Variants in VRK3 observed in about 807,000 individuals in gnomAD.
VRK3 encodes the protein serine/threonine-protein kinase VRK3.
In VRK3, 50 loss-of-function variants were observed where a neutral mutation model predicts 60.4. That is an observed-to-expected ratio of 0.83 (90% CI 0.66 to 1.05). VRK3 has a LOEUF of 1.05. VRK3 is among the 50% of genes least tolerant of loss of function. The pLI is 0.00. For synonymous variants in VRK3, 246 were observed against 227.8 expected, an observed-to-expected ratio of 1.08 and a Z score of -0.72; for missense variants, 549 against 585.3, an observed-to-expected ratio of 0.94 and a Z score of 0.64.
rs1381855921 is a variant in VRK3, at chr19:49,976,695, G to A, written c.*101C>T. 6.6e-6 allele frequency: 1 copy of A among 152,494 alleles called. No homozygotes were observed. The highest frequency in any genetic ancestry group is 1.5e-5 in the Non-Finnish European group (1 of 68,030). 9.4% of individuals were successfully genotyped at this position (152,494 alleles called of 1,614,324 possible). On this transcript the variant is annotated 3_prime_UTR_variant, in exon 15 of 15. Transcript: ENST00000316763. ...GGCAGGAATGCACATTCCAGGGCTTGTTCTAGAAGCTTATCTGTGATTAAA... is the reference window on the plus strand; with the variant it reads ...GGCAGGAATGCACATTCCAGGGCTTATTCTAGAAGCTTATCTGTGATTAAA...
intron 2 of VRK3, 30 bp from the exon 3 acceptor site, chr19:50,016,193 G>C (rs2077074738): frequency 6.2e-7 from 1 of 1,612,096 alleles, no homozygotes; most frequent in East Asian, 2.2e-5. Flanking sequence ...AACACAAAGT[G>C]AAACGGGCCA....
intron 12 of VRK3, among the ~76,000 whole-genome samples, chr19:49,982,917 C>T (rs2076448113): frequency 6.6e-6 from 1 of 152,064 alleles, no homozygotes; most frequent in Non-Finnish European, 1.5e-5. Context: ...CCTGCCCAGT[C>T]ACTGGTCTCT....
In VRK3 at chr19:49,982,221, A is replaced by G. The variant is rs73932226; in HGVS notation, c.1218-1208T>C. 11,995 of 702,782 alleles carry G rather than the reference A, an allele frequency of 0.017. 1,005 individuals carry two copies. The African/African-American group carries it at 0.18, about 11-fold the overall frequency. 43.5% of individuals were successfully genotyped at this position (702,782 alleles called of 1,614,324 possible). On this transcript the variant is annotated intron_variant, in intron 12 of 14. Transcript: ENST00000316763. ...GATAAGAATTCCCCACAGACTCATGACCAACAGCACCGTAGCTCATGCCTG... is the reference window on the plus strand; with the variant it reads ...GATAAGAATTCCCCACAGACTCATGGCCAACAGCACCGTAGCTCATGCCTG...
chr19:50,010,490 T>C (rs188780659), intron 3 of VRK3, among the ~76,000 whole-genome samples: 1 of 152,370 alleles, frequency 6.6e-6, no homozygotes, highest in African/African-American at 2.4e-5. Context: ...GATTTGTTTA[T>C]ATCAGGCAGG....
chr19:49,990,233 T>C (rs980597647), intron 10 of VRK3, among the ~76,000 whole-genome samples: 1 of 152,202 alleles, frequency 6.6e-6, no homozygotes, highest in Non-Finnish European at 1.5e-5. Context: ...GGGCAAGCTA[T>C]ACCAGTTCTC....
In VRK3 at chr19:50,025,337, C is replaced by T. The variant is rs10410420; in HGVS notation, c.-135G>A. 8,000 of 152,388 alleles carry T rather than the reference C, an allele frequency of 0.052. 696 individuals are homozygous for T. Among genetic ancestry groups the T allele is most frequent in the African/African-American group, 0.18 (7,601 of 41,552 alleles). 9.4% of individuals were successfully genotyped at this position (152,388 alleles called of 1,614,324 possible). A position where few individuals can be genotyped will look rare whatever the true frequency, so the allele number is the denominator to read the frequency against. Reference sequence around the variant, plus strand: ...GACCCTCGGATCCTCCGCAGTTACCCGGACTCACCTTCTCAGTTGCCCAGC... The same window carrying T: ...GACCCTCGGATCCTCCGCAGTTACCTGGACTCACCTTCTCAGTTGCCCAGC... On this transcript the variant is annotated 5_prime_UTR_variant, in exon 1 of 15. Transcript: ENST00000316763.
chr19:50,015,859 G>A (rs2077067456), intron 3 of VRK3, 165 bp downstream of exon 3: 2 of 856,510 alleles, frequency 2.3e-6, no homozygotes, highest in East Asian at 2.4e-5. Context: ...GCCAATAAGA[G>A]GCCAAGAGAC....
At chr19:50,011,592 A>G (rs1393631849) in intron 3 of VRK3, among the ~76,000 whole-genome samples, 1 of 151,270 alleles carries the variant, frequency 6.6e-6, no homozygotes, top group African/African-American at 2.4e-5. Flanking sequence ...CACAGTTAAA[A>G]CCAAACTCCC....
chr19:50,014,666 G>A (rs369504017), intron 3 of VRK3, among the ~76,000 whole-genome samples: 5 of 152,304 alleles, frequency 3.3e-5, no homozygotes, highest in Middle Eastern at 3.4e-3. Flanking sequence ...AGGAGGGAGC[G>A]GCAAGCGCAC....
At chr19:50,007,540 G>C in intron 5 of VRK3, 29 bp downstream of exon 5, 1 of 1,610,874 alleles carries the variant, frequency 6.2e-7, no homozygotes. Flanking sequence ...AGACGACCCA[G>C]TCCCTGGCCG....
chr19:49,997,145 C>T (rs143740361), intron 7 of VRK3: 3,021 of 163,608 alleles, frequency 0.018, 49 homozygotes, highest in Middle Eastern at 0.061. Flanking sequence ...CCATTACACC[C>T]GGCTAATTTT....
rs1568788796 is a variant in VRK3 at position 49,995,292 on chromosome 19, C to G, written c.680-17G>C. On this transcript the variant is annotated splice_polypyrimidine_tract_variant and intron_variant, in intron 7 of 14. Coordinates refer to ENST00000316763, the MANE Select transcript of VRK3 (RefSeq NM_016440.4). ...ACTTGTTGACTGCGGAAAGCAGGGG[C>G]TTGAGGTTAGAACCCACCCAGTCCC... is the stretch of plus-strand genomic sequence containing the variant. The G allele has an allele frequency of 6.2e-7, 1 of 1,613,554 alleles. No individual in the cohort carries two copies. The highest frequency in any genetic ancestry group is 1.7e-5 in the Admixed American group (1 of 59,950).
intron 1 of VRK3, among the ~76,000 whole-genome samples, chr19:50,020,858 G>T (rs2077160483): frequency 1.3e-5 from 2 of 152,368 alleles, no homozygotes. Flanking sequence ...CCTGTCTTCA[G>T]GATGCGCACG....
chr19:49,992,754 A>G (rs749546357), intron 10 of VRK3, 106 bp downstream of exon 10: 5 of 1,016,648 alleles, frequency 4.9e-6, no homozygotes, highest in East Asian at 2.4e-5. Context: ...TATGATGGAC[A>G]GCAATCCTTT....
chr19:49,995,375 C>A, intron 7 of VRK3, 100 bp from the exon 8 acceptor site: 1 of 1,026,286 alleles, frequency 9.7e-7, no homozygotes. Context: ...CCCAGACCGC[C>A]TCCAAGTCTC....
intron 9 of VRK3, among the ~76,000 whole-genome samples, chr19:49,993,446 T>C (rs1167519825): frequency 6.6e-6 from 1 of 152,208 alleles, no homozygotes; most frequent in Non-Finnish European, 1.5e-5. Context: ...TTGCCCAGGC[T>C]GGAGTGCAGT....
intron 5 of VRK3, among the ~76,000 whole-genome samples, chr19:50,002,855 A>G (rs905471269): frequency 1.3e-5 from 2 of 152,178 alleles, no homozygotes; most frequent in Non-Finnish European, 2.9e-5. Context: ...GTGCCAAATG[A>G]AGACCAGGGC....
intron 12 of VRK3, among the ~76,000 whole-genome samples, chr19:49,987,455 G>A (rs190817813): frequency 1.3e-5 from 2 of 152,294 alleles, no homozygotes; most frequent in East Asian, 1.9e-4. Flanking sequence ...GCTGCTCAAT[G>A]CCCTTAGTGT....
intron 12 of VRK3, 35 bp from the exon 13 acceptor site, chr19:49,981,048 AGG>A (rs760531199): frequency 6.2e-7 from 1 of 1,602,412 alleles, no homozygotes; most frequent in Admixed American, 1.7e-5. Flanking sequence ...AAGGTCTCTT[AGG>A]GAAAGGAGAG....
Sources: allele counts gnomAD v4.1 joint callset (sites outside exome capture counted in the v4.1 genomes callset), GRCh38; gene constraint gnomAD v4.1.1; transcripts MANE v1.5; gene names NCBI Gene and HGNC (gene_info 2026-07-23, HGNC 2026-07-21).